The following LONRF2 variants were observed in gnomAD, a reference collection of about 807,000 sequenced individuals.
LONRF2 encodes LON peptidase N-terminal domain and ring finger 2.
Under a neutral mutation model 66.6 loss-of-function variants are expected in LONRF2, and 35 were observed. That is an observed-to-expected ratio of 0.53 (90% CI 0.40 to 0.70). The LOEUF (loss-of-function observed/expected upper bound fraction) is 0.70. Ranked by LOEUF, LONRF2 falls within the 30% of genes least tolerant of loss-of-function variation. LONRF2 has a pLI of 0.00. For missense variants in LONRF2, 902 were observed against 1,002.1 expected, an observed-to-expected ratio of 0.90 and a Z score of 1.35; for synonymous variants, 417 against 418.1, an observed-to-expected ratio of 1.00 and a Z score of 0.03.
chr2:100,299,585 A>G (rs1675136198), intron 5 of LONRF2, 132 bp downstream of exon 5: 2 of 716,950 alleles, frequency 2.8e-6, no homozygotes, highest in Non-Finnish European at 4.5e-6. Flanking sequence ...AATGCTCTAT[A>G]ATCTTAGAGC....
Position 100,287,062 on chromosome 2 carries a change from A to G in LONRF2, c.1922T>C (p.Val641Ala). The G allele has an allele frequency of 6.2e-7, 1 of 1,613,380 alleles. No homozygotes were observed. Among genetic ancestry groups the G allele is most frequent in the Non-Finnish European group, 8.5e-7 (1 of 1,179,718 alleles). Residue 641 changes from valine (V) to alanine (A), a missense_variant and splice_region_variant, in exon 11 of 12, where the codon GTG becomes GCG. Physicochemically the swap from Val to Ala is moderately conservative, Grantham distance 64 (BLOSUM62 0). Transcript: ENST00000393437. ...ADIEYLEDEK[V>A]EGPEYEELAA... ...AAGTTCTTCATACTCTGGACCCTCCACCTGATCAGGGAAAGAGGCACAGCT... is the reference window on the plus strand; with the variant it reads ...AAGTTCTTCATACTCTGGACCCTCCGCCTGATCAGGGAAAGAGGCACAGCT...
At chr2:100,311,512 C>T (rs750845662) in intron 1 of LONRF2, among the ~76,000 whole-genome samples, 1 of 152,048 alleles carries the variant, frequency 6.6e-6, no homozygotes, top group Non-Finnish European at 1.5e-5. Flanking sequence ...AATGGATTCT[C>T]TTGAATATTT....
intron 1 of LONRF2, among the ~76,000 whole-genome samples, chr2:100,316,593 T>C (rs1675512535): frequency 6.6e-6 from 1 of 152,122 alleles, no homozygotes; most frequent in Non-Finnish European, 1.5e-5. Context: ...CATGGCCTAA[T>C]CCAGGAGTTG....
chr2:100,293,636 C>A (rs948439143), intron 9 of LONRF2, among the ~76,000 whole-genome samples: 1 of 152,140 alleles, frequency 6.6e-6, no homozygotes. Context: ...TGGACAAAGA[C>A]GTGAAACGAG....
At chr2:100,297,171 C>T (rs1049571698) in intron 7 of LONRF2, among the ~76,000 whole-genome samples, 9 of 151,892 alleles carry the variant, frequency 5.9e-5, no homozygotes, top group African/African-American at 9.7e-5. Context: ...CTCTGTCGCC[C>T]GGGCTGGAGT....
chr2:100,287,926 C>T (rs1037468945), intron 10 of LONRF2, among the ~76,000 whole-genome samples: 4 of 152,106 alleles, frequency 2.6e-5, no homozygotes, highest in Admixed American at 2.0e-4. Context: ...AATTCCAGTA[C>T]CTACAAAAAC....
chr2:100,284,946 T>C (rs1305014281), intron 11 of LONRF2, among the ~76,000 whole-genome samples: 1 of 152,232 alleles, frequency 6.6e-6, no homozygotes, highest in Non-Finnish European at 1.5e-5. Flanking sequence ...TGAGTGTATG[T>C]ATGAAACATA....
At chr2:100,308,050 G>A (rs1456083397) in intron 2 of LONRF2, among the ~76,000 whole-genome samples, 1 of 152,154 alleles carries the variant, frequency 6.6e-6, no homozygotes, top group Non-Finnish European at 1.5e-5. Flanking sequence ...TGACACTCAG[G>A]CTAACCTCAA....
intron 8 of LONRF2, 93 bp from the exon 9 acceptor site, chr2:100,294,480 C>T (rs1171795718): frequency 8.6e-7 from 1 of 1,161,588 alleles, no homozygotes; most frequent in African/African-American, 1.6e-5. Context: ...CAGCCAACCT[C>T]AGTTCTCCCC....
At position 100,276,480 on chromosome 2, in the gene LONRF2, C is replaced by T. The variant is rs1174586182; in HGVS notation, c.*7818G>A. 2.6e-5 allele frequency: 4 copies of T among 152,152 alleles called. No homozygotes were observed. Among genetic ancestry groups the T allele is most frequent in the Non-Finnish European group, 4.4e-5 (3 of 68,028 alleles). The allele number at this position is 152,152 out of a possible 1,614,324, so 9.4% of individuals were successfully genotyped here. On this transcript the variant is annotated 3_prime_UTR_variant, in exon 12 of 12. Transcript: ENST00000393437. ...ATAATAAATTAAAATTAAAGTCAGTCTTTGGCAGTTATAAACTAGCTTGAT... is the reference window on the plus strand; with the variant it reads ...ATAATAAATTAAAATTAAAGTCAGTTTTTGGCAGTTATAAACTAGCTTGAT...
Position 100,278,962 on chromosome 2 carries a change from G to A in LONRF2, c.*5336C>T, listed in dbSNP as rs1285924683. ...TGTCTAAATGGAAACTCTGGTAGAAGGGACTACTCTCTGTACCATTCTAAA... is the reference window on the plus strand; with the variant it reads ...TGTCTAAATGGAAACTCTGGTAGAAAGGACTACTCTCTGTACCATTCTAAA... On this transcript the variant is annotated 3_prime_UTR_variant, in exon 12 of 12. Transcript: ENST00000393437. The A allele has an allele frequency of 6.6e-6, 1 of 152,112 alleles. No homozygotes were observed. Among genetic ancestry groups the A allele is most frequent in the African/African-American group, 2.4e-5 (1 of 41,382 alleles). 9.4% of individuals were successfully genotyped at this position (152,112 alleles called of 1,614,324 possible).
Position 100,278,322 on chromosome 2 carries a change from CT to C in LONRF2, c.*5975del, listed in dbSNP as rs1356838427. The C allele has an allele frequency of 4.6e-5, 7 of 152,158 alleles. No individual in the cohort carries two copies. The highest frequency in any genetic ancestry group is 1.7e-4 in the African/African-American group (7 of 41,438). The allele number at this position is 152,158 out of a possible 1,614,324, so 9.4% of individuals were successfully genotyped here. ...TTGGGGCCTTCCATAATGTTTCCCC[CT>C]ATTCCTATAAATCTTGCATCTTATC... On this transcript the variant is annotated 3_prime_UTR_variant, in exon 12 of 12. Transcript: ENST00000393437.
Position 100,272,715 on chromosome 2 carries a change from T to C in LONRF2, c.*11583A>G, listed in dbSNP as rs1674525399. 6.6e-6 allele frequency among the ~76,000 whole-genome samples: 1 copy of C among 152,202 alleles called. No individual in the cohort carries two copies. Among genetic ancestry groups the C allele is most frequent in the African/African-American group, 2.4e-5 (1 of 41,444 alleles). On this transcript the variant is annotated 3_prime_UTR_variant, in exon 12 of 12. Transcript: ENST00000393437. ...ATATGCTTTCATAGTTAACTCAGTA[T>C]TTGCAATTCATATTCCTTTTCTTAA...
In LONRF2 at chr2:100,309,103, A is replaced by G. The variant is rs771247468; in HGVS notation, c.798+4T>C. 1.3e-6 allele frequency: 2 copies of G among 1,543,428 alleles called. No individual in the cohort carries two copies. Among genetic ancestry groups the G allele is most frequent in the South Asian group, 2.4e-5 (2 of 82,960 alleles). ...TTATCTCCAAAGCTAACAAATACAA[A>G]TACCTTAATCAAGAGAGGTTCATTC... On this transcript the variant is annotated splice_donor_region_variant and intron_variant, in intron 2 of 11. Transcript: ENST00000393437.
chr2:100,289,739 T>C (rs1674920175), intron 10 of LONRF2, among the ~76,000 whole-genome samples: 1 of 152,078 alleles, frequency 6.6e-6, no homozygotes. Flanking sequence ...CCTGGCCAGA[T>C]CATTTTTTTA....
intron 11 of LONRF2, among the ~76,000 whole-genome samples, chr2:100,286,625 A>G (rs1674850445): frequency 6.6e-6 from 1 of 152,260 alleles, no homozygotes; most frequent in Non-Finnish European, 1.5e-5. Flanking sequence ...CTTAAATTTT[A>G]AGATGTGAGT....
At position 100,278,263 on chromosome 2, in the gene LONRF2, T is replaced by C. The variant is rs1057057428; in HGVS notation, c.*6035A>G. On this transcript the variant is annotated 3_prime_UTR_variant, in exon 12 of 12. Coordinates refer to ENST00000393437, the MANE Select transcript of LONRF2 (RefSeq NM_198461.4). ...CTTTAAACATAAAAAGAGGGCTATGTCTTGCATTCTTGTATATAAAAGCTC... is the reference window on the plus strand; with the variant it reads ...CTTTAAACATAAAAAGAGGGCTATGCCTTGCATTCTTGTATATAAAAGCTC... The C allele has an allele frequency of 6.6e-6, 1 of 152,142 alleles. No homozygotes were observed. Among genetic ancestry groups the C allele is most frequent in the African/African-American group, 2.4e-5 (1 of 41,430 alleles). 9.4% of individuals were successfully genotyped at this position (152,142 alleles called of 1,614,324 possible).
chr2:100,290,508 A>G, intron 9 of LONRF2, 88 bp from the exon 10 acceptor site: 2 of 1,355,388 alleles, frequency 1.5e-6, no homozygotes, highest in Admixed American at 2.2e-5. Context: ...TTTTAAAAGG[A>G]ATACAAAGCC....
intron 11 of LONRF2, among the ~76,000 whole-genome samples, chr2:100,284,768 T>A (rs1344689547): frequency 6.6e-6 from 1 of 152,208 alleles, no homozygotes; most frequent in Non-Finnish European, 1.5e-5. Flanking sequence ...CTCTCAAGCT[T>A]TCAGTTAAGA....
Sources: gnomAD v4.1 joint callset for allele counts (sites outside exome capture counted in the v4.1 genomes callset) on GRCh38, gnomAD v4.1.1 for gene constraint, MANE v1.5 for transcripts, NCBI Gene and HGNC (gene_info 2026-07-23, HGNC 2026-07-21) for gene names.